The following DACH1 variants were observed in gnomAD, a reference collection of about 807,000 sequenced individuals.
DACH1 encodes the protein dachshund homolog 1.
DACH1 carries 12 observed loss-of-function variants against 54.2 expected under a neutral mutation model. That is an observed-to-expected ratio of 0.22 (90% confidence interval 0.14 to 0.36). The LOEUF (loss-of-function observed/expected upper bound fraction) is 0.36, where lower values mean the gene tolerates loss of function less well. DACH1 is among the 10% of genes least tolerant of loss of function. The probability of loss-of-function intolerance (pLI) is 1.00; values close to 1 mark genes in which losing one functional copy is unlikely to be tolerated. For missense variants in DACH1, 805 were observed against 929.8 expected, an observed-to-expected ratio of 0.87 and a Z score of 1.75; for synonymous variants, 386 against 366.2, an observed-to-expected ratio of 1.05 and a Z score of -0.62.
intron 6 of DACH1, among the ~76,000 whole-genome samples, chr13:71,489,967 G>A (rs1360531867): frequency 6.6e-6 from 1 of 152,018 alleles, no homozygotes; most frequent in East Asian, 1.9e-4. Context: ...CTCTCACAGT[G>A]AAATCCTTTT....
intron 2 of DACH1, among the ~76,000 whole-genome samples, chr13:71,664,008 T>C (rs1006182347): frequency 6.6e-6 from 1 of 151,908 alleles, no homozygotes; most frequent in Admixed American, 6.6e-5. Context: ...CCAATGCTAT[T>C]GTAAAAAAAA....
At chr13:71,680,264 T>TAA (rs1880819390) in intron 2 of DACH1, among the ~76,000 whole-genome samples, 1 of 152,158 alleles carries the variant, frequency 6.6e-6, no homozygotes, top group South Asian at 2.1e-4. Flanking sequence ...TGCATGAAAT[T>TAA]AGTATAAAAA....
At chr13:71,718,065 A>G (rs2138794874) in intron 1 of DACH1, among the ~76,000 whole-genome samples, 1 of 152,224 alleles carries the variant, frequency 6.6e-6, no homozygotes, top group South Asian at 2.1e-4. Context: ...GCCCCAGAAA[A>G]GAACAACCAC....
chr13:71,614,802 C>G (rs984798293), intron 3 of DACH1, among the ~76,000 whole-genome samples: 1 of 145,512 alleles, frequency 6.9e-6, no homozygotes, highest in Non-Finnish European at 1.5e-5. Context: ...TGCAGTGAGC[C>G]GTGATTGCAC....
intron 1 of DACH1, among the ~76,000 whole-genome samples, chr13:71,738,820 T>C (rs560577478): frequency 1.4e-5 from 2 of 147,424 alleles, no homozygotes; most frequent in East Asian, 4.0e-4. Flanking sequence ...GAATAAGGAC[T>C]GAGATGATCT....
chr13:71,694,717 C>T (rs1881730412), intron 1 of DACH1, among the ~76,000 whole-genome samples: 1 of 152,154 alleles, frequency 6.6e-6, no homozygotes, highest in African/African-American at 2.4e-5. Flanking sequence ...TTTTAAAATC[C>T]TGATCATTAT....
intron 8 of DACH1, among the ~76,000 whole-genome samples, chr13:71,477,416 C>T (rs569173096): frequency 2.1e-3 from 322 of 151,696 alleles, no homozygotes; most frequent in African/African-American, 7.4e-3. Flanking sequence ...CCACCGTGCC[C>T]GGCCTATTAT....
Position 71,681,833 on chromosome 13 carries a change from A to G in DACH1, c.926T>C (p.Val309Ala). Residue 309 changes from valine to alanine, a missense_variant, in exon 2 of 11, where the codon GTC becomes GCC. Val to Ala is a moderately conservative substitution (Grantham distance 64). This residue lies in a region of DACH1 where 472 missense variants were observed against 545.3 expected (regional missense o/e 0.87). Coordinates refer to ENST00000613252, the MANE Select transcript of DACH1 (RefSeq NM_080759.6). ...TATCCCAGGAGACATGAGACCAGGG[A>G]CAGAATGCGGCATGATGTGAGAGTT... ...PENSHIMPHS[V>A]PGLMSPGIIP... 1 of 1,613,998 alleles carries G rather than the reference A, an allele frequency of 6.2e-7. No homozygotes were observed. The highest frequency in any genetic ancestry group is 8.5e-7 in the Non-Finnish European group (1 of 1,179,926).
intron 3 of DACH1, among the ~76,000 whole-genome samples, chr13:71,611,185 T>A (rs746278865): frequency 1.3e-5 from 2 of 152,158 alleles, no homozygotes; most frequent in African/African-American, 2.4e-5. Flanking sequence ...GAGAACACTG[T>A]CAAGTTCATG....
intron 1 of DACH1, among the ~76,000 whole-genome samples, chr13:71,828,646 T>G (rs2138200815): frequency 6.6e-6 from 1 of 152,112 alleles, no homozygotes; most frequent in Non-Finnish European, 1.5e-5. Context: ...GTTCTTTGTT[T>G]TTCACAGACT....
At chr13:71,686,252 G>A (rs891972085) in intron 1 of DACH1, among the ~76,000 whole-genome samples, 1 of 152,164 alleles carries the variant, frequency 6.6e-6, no homozygotes, top group Non-Finnish European at 1.5e-5. Context: ...TGCATTAAAA[G>A]AGGAAAGCAA....
At chr13:71,718,296 C>G (rs17088414) in intron 1 of DACH1, among the ~76,000 whole-genome samples, 2,119 of 152,114 alleles carry the variant, frequency 0.014, 34 homozygotes, top group African/African-American at 0.035. Context: ...AAAAAAAGCT[C>G]TCTTCCGGCT....
Position 71,766,841 on chromosome 13 carries a change from A to G in DACH1, c.849-84931T>C, listed in dbSNP as rs181961493. 1.2e-4 allele frequency among the ~76,000 whole-genome samples: 9 copies of G among 76,482 alleles called. No homozygotes were observed. In the East Asian group the frequency reaches 1.8e-3, roughly 16 times the overall value. 50.2% of individuals were successfully genotyped at this position (76,482 alleles called of 152,430 possible). A position where few individuals can be genotyped will look rare whatever the true frequency, so the allele number is the denominator to read the frequency against. ...TCAGTTTCCTCCTGAGAAAAGGCTT[A>G]AAAAAAAAAAGCTCTCACTTAATTA... On this transcript the variant is annotated intron_variant, in intron 1 of 10. Coordinates refer to ENST00000613252, the MANE Select transcript of DACH1 (RefSeq NM_080759.6).
chr13:71,690,301 T>C (rs932958066), intron 1 of DACH1, among the ~76,000 whole-genome samples: 1 of 152,246 alleles, frequency 6.6e-6, no homozygotes, highest in African/African-American at 2.4e-5. Context: ...CATCTACATA[T>C]ATGATTTCTC....
intron 2 of DACH1, among the ~76,000 whole-genome samples, chr13:71,673,872 G>GTAAC (rs1336320066): frequency 6.6e-6 from 1 of 152,132 alleles, no homozygotes; most frequent in Admixed American, 6.6e-5. Flanking sequence ...ATGCTTAAAT[G>GTAAC]TAACCATCAT....
Position 71,522,849 on chromosome 13 carries a change from G to C in DACH1, c.1571-33701C>G, listed in dbSNP as rs113460985. ...CTTTTTGATGAAATTGTTTTCTAAT[G>C]TGAAATTCTTTTCTCTCTTTTATCG... On this transcript the variant is annotated intron_variant, in intron 6 of 10. Coordinates refer to ENST00000613252, the MANE Select transcript of DACH1 (RefSeq NM_080759.6). 5.6e-3 allele frequency among the ~76,000 whole-genome samples: 854 copies of C among 152,114 alleles called. 3 individuals are homozygous for C. Among genetic ancestry groups the C allele is most frequent in the Non-Finnish European group, 8.9e-3 (602 of 67,978 alleles).
intron 2 of DACH1, among the ~76,000 whole-genome samples, chr13:71,641,071 CAA>C (rs977242119): frequency 2.0e-5 from 3 of 150,568 alleles, no homozygotes; most frequent in Admixed American, 2.0e-4. Flanking sequence ...CAAAAAAAAA[CAA>C]AAGAGGTGGC....
chr13:71,568,140 T>G lies in DACH1; in HGVS notation c.1299+4700A>C, dbSNP rs573328061. On this transcript the variant is annotated intron_variant, in intron 4 of 10. Coordinates refer to ENST00000613252, the MANE Select transcript of DACH1 (RefSeq NM_080759.6). ...ATGTGATAGTCTGGGATGTTAATAC[T>G]CCAAAGTATCTGAAGACCCTAAATC... is the stretch of plus-strand genomic sequence containing the variant. Among the ~76,000 whole-genome samples, 9 of 152,092 alleles carry G rather than the reference T, an allele frequency of 5.9e-5. No homozygotes were observed. The East Asian group carries it at 1.7e-3, about 29-fold the overall frequency.
chr13:71,665,375 C>T (rs1344596533), intron 2 of DACH1, among the ~76,000 whole-genome samples: 2 of 151,852 alleles, frequency 1.3e-5, no homozygotes, highest in Non-Finnish European at 2.9e-5. Flanking sequence ...TTTTGCTACC[C>T]CCATATACCC....
Sources: allele counts gnomAD v4.1 joint callset (sites outside exome capture counted in the v4.1 genomes callset), GRCh38; gene constraint gnomAD v4.1.1; regional missense constraint gnomAD v4.1.1; transcripts MANE v1.5; gene names NCBI Gene and HGNC (gene_info 2026-07-23, HGNC 2026-07-21).